SCG3: variants seen among roughly 807,000 people sequenced by gnomAD.
SCG3 encodes secretogranin-3.
A neutral mutation model predicts 56.2 loss-of-function variants in SCG3; 38 were observed. That is an observed-to-expected ratio of 0.68 (90% CI 0.52 to 0.89). The LOEUF (loss-of-function observed/expected upper bound fraction) is 0.89, where lower values mean the gene tolerates loss of function less well. SCG3 is among the 40% of genes least tolerant of loss of function. The probability of loss-of-function intolerance (pLI) is 0.00; values close to 1 mark genes in which losing one functional copy is unlikely to be tolerated. For synonymous variants in SCG3, 176 were observed against 184.2 expected (o/e 0.96, Z 0.36); for missense variants, 524 against 540.7 (o/e 0.97, Z 0.31).
chr15:51,681,809 A>C lies in SCG3; in HGVS notation c.54A>C (p.Gln18His), dbSNP rs1231170161. The change falls in exon 1 of 12, where the codon CAA becomes CAC. Residue 18 changes from glutamine (Q) to histidine (H), a missense_variant. Physicochemically the swap from Gln to His is conservative, Grantham distance 24. Transcript: ENST00000220478. ...TWILVLVLPI[Q>H]AFPKPGGSQD... Reference sequence around the variant, plus strand: ...TTCTGGTGTTAGTGCTCCCGATTCAAGCTTTCCCCAAACCTGGAGGAAGCC... The same window carrying C: ...TTCTGGTGTTAGTGCTCCCGATTCACGCTTTCCCCAAACCTGGAGGAAGCC... 1.3e-5 allele frequency: 21 copies of C among 1,614,024 alleles called. No individual in the cohort carries two copies. The highest frequency in any genetic ancestry group is 1.8e-5 in the Non-Finnish European group (21 of 1,180,024).
chr15:51,713,630 G>A (rs1029095194), intron 11 of SCG3, among the ~76,000 whole-genome samples: 3 of 152,110 alleles, frequency 2.0e-5, no homozygotes, highest in Admixed American at 1.3e-4. Flanking sequence ...TTTCTTTTAC[G>A]TTTTATTAGG....
chr15:51,693,165 T>A (rs2055278878), intron 7 of SCG3: 2 of 152,230 alleles, frequency 1.3e-5, no homozygotes, highest in South Asian at 4.1e-4. Flanking sequence ...TGCCTTTTTT[T>A]ATTAGCATAC....
At chr15:51,710,942 T>A (rs1438180181) in intron 10 of SCG3, among the ~76,000 whole-genome samples, 2 of 151,996 alleles carry the variant, frequency 1.3e-5, no homozygotes, top group African/African-American at 4.8e-5. Flanking sequence ...CTCCAAGGCA[T>A]GCACTAAGAG....
chr15:51,709,053 T>C (rs1046253257), intron 10 of SCG3, among the ~76,000 whole-genome samples: 8 of 152,080 alleles, frequency 5.3e-5, no homozygotes, highest in African/African-American at 1.9e-4. Context: ...CGAGACTGGG[T>C]AATTTATAAA....
At chr15:51,687,363 T>C (rs2055235780) in intron 4 of SCG3, among the ~76,000 whole-genome samples, 1 of 152,214 alleles carries the variant, frequency 6.6e-6, no homozygotes. Flanking sequence ...AAGTGCATTG[T>C]AAATTTGATC....
intron 11 of SCG3, among the ~76,000 whole-genome samples, chr15:51,715,688 T>A (rs1256925638): frequency 6.6e-6 from 1 of 152,154 alleles, no homozygotes; most frequent in Non-Finnish European, 1.5e-5. Flanking sequence ...TAGGGCAGAG[T>A]TGGCATTAGA....
intron 11 of SCG3, among the ~76,000 whole-genome samples, chr15:51,716,798 ACAC>A (rs2055459276): frequency 6.6e-6 from 1 of 152,208 alleles, no homozygotes; most frequent in Non-Finnish European, 1.5e-5. Context: ...TCAGCCTCAG[ACAC>A]CACAGGGTGA....
At chr15:51,693,510 A>G (rs536651451) in intron 7 of SCG3, 40 of 152,250 alleles carry the variant, frequency 2.6e-4, no homozygotes, top group African/African-American at 8.7e-4. Flanking sequence ...TTAACTGAGG[A>G]TTCAGTCCAT....
At chr15:51,713,493 A>C (rs1385845247) in intron 11 of SCG3, 80 bp downstream of exon 11, 1 of 954,028 alleles carries the variant, frequency 1.0e-6, no homozygotes, top group Non-Finnish European at 1.6e-6. Flanking sequence ...CCCACAGTCA[A>C]ATTGACTGTG....
chr15:51,704,279 A>ATATATATATATATG (rs2072703209), intron 10 of SCG3, among the ~76,000 whole-genome samples: 1 of 130,838 alleles, frequency 7.6e-6, no homozygotes, highest in African/African-American at 3.0e-5. Flanking sequence ...ATATATATAT[A>ATATATATATATATG]AAATAGCTCT....
At position 51,681,805 on chromosome 15, in the gene SCG3, T is replaced by C; in HGVS notation, c.50T>C (p.Ile17Thr). 1 of 1,614,164 alleles carries C rather than the reference T, an allele frequency of 6.2e-7. No homozygotes were observed. The highest frequency in any genetic ancestry group is 8.5e-7 in the Non-Finnish European group (1 of 1,180,026). The stretch of plus-strand genomic sequence containing the variant: ...TGGATTCTGGTGTTAGTGCTCCCGA[T>C]TCAAGCTTTCCCCAAACCTGGAGGA... ...GTWILVLVLP[I>T]QAFPKPGGSQ... is the part of the protein sequence containing the mutation. The change falls in exon 1 of 12, where the codon ATT (isoleucine) becomes ACT (threonine). Residue 17 changes from isoleucine (I) to threonine (T), a missense_variant. Transcript: ENST00000220478.
At chr15:51,715,899 C>G (rs548455092) in intron 11 of SCG3, among the ~76,000 whole-genome samples, 3 of 152,094 alleles carry the variant, frequency 2.0e-5, no homozygotes, top group South Asian at 4.2e-4. Context: ...GCTCTGTCGC[C>G]CAGGCTGGAG....
Position 51,683,429 on chromosome 15 carries a change from T to A in SCG3, c.392T>A (p.Phe131Tyr). Residue 131 changes from phenylalanine (F) to tyrosine (Y), a missense_variant, in exon 4 of 12, where the codon TTT becomes TAT. By Grantham distance (22) the Phe-to-Tyr change is conservative. Transcript: ENST00000220478. ...ACTAAGAGTGGATTGGATCATAAAT[T>A]TCAAGGTAAATGAGAAAAAAAGAAC... Reference protein sequence around the residue: ...DSTKSGLDHKFQDDPDGLHQL... With the variant: ...DSTKSGLDHKYQDDPDGLHQL... 6.3e-7 allele frequency: 1 copy of A among 1,592,268 alleles called. No individual in the cohort carries two copies. Among genetic ancestry groups the A allele is most frequent in the Non-Finnish European group, 8.5e-7 (1 of 1,171,958 alleles).
Position 51,692,284 on chromosome 15 carries a change from G to A in SCG3, c.816G>A (p.Glu272=). The A allele has an allele frequency of 6.2e-7, 1 of 1,613,988 alleles. No individual in the cohort carries two copies. The highest frequency in any genetic ancestry group is 8.5e-7 in the Non-Finnish European group (1 of 1,179,952). The stretch of plus-strand genomic sequence containing the variant: ...AAACCTACAGTGAAGACAACTTTGA[G>A]GAACTCCAATATTTCCCAAATTTCT... ...RTKTYSEDNF[E]ELQYFPNFYA... is the part of the protein sequence containing the mutation. The change falls in exon 7 of 12, where the codon GAG becomes GAA. Residue 272 remains glutamate, a synonymous_variant. Transcript: ENST00000220478.
chr15:51,713,516 C>T (rs2305720), intron 11 of SCG3, 103 bp downstream of exon 11: 132,284 of 675,748 alleles, frequency 0.2, 14,175 homozygotes, highest in Non-Finnish European at 0.23. Flanking sequence ...AAAGTCTCCC[C>T]GCAGAGCCCA....
At chr15:51,704,264 T>C (rs1181682875) in intron 10 of SCG3, among the ~76,000 whole-genome samples, 15 of 137,570 alleles carry the variant, frequency 1.1e-4, no homozygotes, top group South Asian at 2.3e-4. Context: ...TATATATATA[T>C]ATATATATAT....
chr15:51,689,000 CAGCTTGCATG>C (rs2055248502), intron 5 of SCG3, among the ~76,000 whole-genome samples: 1 of 152,156 alleles, frequency 6.6e-6, no homozygotes, highest in African/African-American at 2.4e-5. Context: ...ATAGAACTAA[CAGCTTGCATG>C]GTGGGCCCGA....
In SCG3 at chr15:51,704,240, CATACATATATATATAT is replaced by C. The variant is rs1186371056; in HGVS notation, c.1207+3000_1207+3015del. Reference sequence around the variant, plus strand: ...ATATATATGTGTGTATACATACATACATACATATATATATATATATATATATATATATATATATAAA... The same window carrying C: ...ATATATATGTGTGTATACATACATACATATATATATATATATATATATAAA... On this transcript the variant is annotated intron_variant, in intron 10 of 11. Transcript: ENST00000220478. Among the ~76,000 whole-genome samples the C allele has an allele frequency of 1.0e-3, 59 of 58,802 alleles. 2 individuals carry two copies. The highest frequency in any genetic ancestry group is 2.5e-3 in the African/African-American group (36 of 14,600). The allele number at this position is 58,802 out of a possible 152,430, so 38.6% of individuals were successfully genotyped here. A position where few individuals can be genotyped will look rare whatever the true frequency, so the allele number is the denominator to read the frequency against.
At chr15:51,682,002 A>AT (rs200868173) in intron 1 of SCG3, among the ~76,000 whole-genome samples, 165 bp downstream of exon 1, 2 of 152,094 alleles carry the variant, frequency 1.3e-5, no homozygotes, top group African/African-American at 4.8e-5. Flanking sequence ...CAGAAGACAG[A>AT]TTTTTTTTCT....
Sources: allele counts gnomAD v4.1 joint callset (sites outside exome capture counted in the v4.1 genomes callset), GRCh38; gene constraint gnomAD v4.1.1; transcripts MANE v1.5; gene names NCBI Gene and HGNC (gene_info 2026-07-23, HGNC 2026-07-21).